Variants in WIPF1 observed in about 807,000 individuals in gnomAD.
The protein encoded by WIPF1 is WAS/WASL-interacting protein family member 1.
WIPF1 carries 13 observed loss-of-function variants against 35.4 expected under a neutral mutation model. The observed-to-expected ratio is 0.37, with a 90% CI of 0.24 to 0.58. WIPF1 has a LOEUF of 0.58. Ranked by LOEUF, WIPF1 falls within the 20% of genes least tolerant of loss-of-function variation. The pLI, the probability that WIPF1 is intolerant of heterozygous loss-of-function variation, is 0.74. For synonymous variants in WIPF1, 267 were observed against 266.3 expected (o/e 1.00, Z -0.02); for missense variants, 591 against 667.0 (o/e 0.89, Z 1.25).
At chr2:174,679,335 G>A (rs1688203809) in intron 1 of WIPF1, among the ~76,000 whole-genome samples, 1 of 152,102 alleles carries the variant, frequency 6.6e-6, no homozygotes, top group Non-Finnish European at 1.5e-5. Flanking sequence ...CGGGCGTGGT[G>A]CACACTCCTG....
intron 1 of WIPF1, among the ~76,000 whole-genome samples, chr2:174,595,229 T>A (rs1574820573): frequency 7.8e-6 from 1 of 127,514 alleles, no homozygotes; most frequent in Non-Finnish European, 1.6e-5. Flanking sequence ...AGTTTGAGGG[T>A]GCAGTGAGCT....
At chr2:174,608,833 C>G (rs564025637) in intron 1 of WIPF1, among the ~76,000 whole-genome samples, 1 of 152,314 alleles carries the variant, frequency 6.6e-6, no homozygotes, top group South Asian at 2.1e-4. Context: ...GTTCCTTATT[C>G]AGACTTCTCT....
At chr2:174,640,555 T>C (rs1462901896) in intron 1 of WIPF1, among the ~76,000 whole-genome samples, 1 of 151,830 alleles carries the variant, frequency 6.6e-6, no homozygotes, top group Admixed American at 6.6e-5. Context: ...GACACAAATA[T>C]ATGAAAAGAT....
chr2:174,628,924 C>T (rs763909174), intron 1 of WIPF1, among the ~76,000 whole-genome samples: 19 of 152,210 alleles, frequency 1.2e-4, no homozygotes, highest in Non-Finnish European at 2.4e-4. Context: ...ATGATGACAA[C>T]AGCATCTTTC....
In WIPF1 at chr2:174,675,967, G is replaced by C. The variant is rs571257221; in HGVS notation, c.-39+6807C>G. 2.2e-3 allele frequency among the ~76,000 whole-genome samples: 319 copies of C among 145,134 alleles called. 1 individual carries two copies. The highest frequency in any genetic ancestry group is 7.7e-3 in the African/African-American group (301 of 39,206). The stretch of plus-strand genomic sequence containing the variant: ...ATTTTATTTATTTATTTATTTTTGA[G>C]ACAGAGTCTCACTCTATCACCCAGG... On this transcript the variant is annotated intron_variant, in intron 1 of 8. Transcript: ENST00000272746.
chr2:174,564,629 AG>A (rs1684588316), intron 7 of WIPF1, among the ~76,000 whole-genome samples: 1 of 152,168 alleles, frequency 6.6e-6, no homozygotes, highest in Admixed American at 6.5e-5. Context: ...AAAGATCTAG[AG>A]GGTACAGGGA....
At chr2:174,662,623 T>C (rs1490866465) in intron 1 of WIPF1, among the ~76,000 whole-genome samples, 2 of 152,230 alleles carry the variant, frequency 1.3e-5, no homozygotes, top group African/African-American at 2.4e-5. Flanking sequence ...TCTATCTTCA[T>C]GTCATGTTTG....
At chr2:174,569,560 T>C (rs1684767457) in intron 5 of WIPF1, among the ~76,000 whole-genome samples, 1 of 152,168 alleles carries the variant, frequency 6.6e-6, no homozygotes, top group Non-Finnish European at 1.5e-5. Context: ...TTCCTAACTC[T>C]CCAACCTTGT....
chr2:174,606,244 GT>G (rs1426468638), intron 1 of WIPF1, among the ~76,000 whole-genome samples: 1 of 152,140 alleles, frequency 6.6e-6, no homozygotes, highest in African/African-American at 2.4e-5. Context: ...GTTAGAAATA[GT>G]AAAAGTAAAT....
chr2:174,651,683 A>G (rs900988359), intron 1 of WIPF1, among the ~76,000 whole-genome samples: 7 of 152,238 alleles, frequency 4.6e-5, no homozygotes, highest in Non-Finnish European at 1.0e-4. Flanking sequence ...TACCCAAGCT[A>G]TGAAGCCAGA....
At chr2:174,638,790 G>C (rs908361233) in intron 1 of WIPF1, among the ~76,000 whole-genome samples, 1 of 152,050 alleles carries the variant, frequency 6.6e-6, no homozygotes. Flanking sequence ...TTATTTGTTG[G>C]ACATTTACGC....
chr2:174,671,711 T>C (rs1211877616), intron 1 of WIPF1, among the ~76,000 whole-genome samples: 2 of 152,078 alleles, frequency 1.3e-5, no homozygotes, highest in African/African-American at 2.4e-5. Flanking sequence ...AGGGATAAAA[T>C]AAGCCCCGGT....
intron 1 of WIPF1, among the ~76,000 whole-genome samples, chr2:174,632,709 C>CAAA (rs71024821): frequency 2.9e-5 from 2 of 68,892 alleles, no homozygotes; most frequent in South Asian, 6.7e-4. Context: ...AACTCCATCT[C>CAAA]AAAAAAAAAA....
intron 1 of WIPF1, among the ~76,000 whole-genome samples, chr2:174,627,076 A>G (rs74337891): frequency 0.022 from 3,386 of 152,256 alleles, 121 homozygotes; most frequent in African/African-American, 0.075. Flanking sequence ...ATGTGGCTAC[A>G]TGGTGAATTA....
chr2:174,667,506 T>G (rs551557448), intron 1 of WIPF1, among the ~76,000 whole-genome samples: 1 of 152,304 alleles, frequency 6.6e-6, no homozygotes, highest in South Asian at 2.1e-4. Flanking sequence ...CTCTATCTGA[T>G]AAAGAGCTGA....
intron 1 of WIPF1, among the ~76,000 whole-genome samples, chr2:174,628,438 T>C (rs959970096): frequency 1.1e-4 from 16 of 152,214 alleles, no homozygotes; most frequent in African/African-American, 3.9e-4. Context: ...TGGGCAACCA[T>C]TGGAAATTTT....
intron 1 of WIPF1, among the ~76,000 whole-genome samples, chr2:174,661,366 C>T (rs1386722981): frequency 6.6e-6 from 1 of 152,122 alleles, no homozygotes; most frequent in Non-Finnish European, 1.5e-5. Context: ...CTTGCCTACA[C>T]CTCTGGCATG....
At chr2:174,660,247 T>C (rs1438670248) in intron 1 of WIPF1, among the ~76,000 whole-genome samples, 2 of 152,218 alleles carry the variant, frequency 1.3e-5, no homozygotes, top group African/African-American at 2.4e-5. Context: ...AAGTGTATTC[T>C]AAACAGACTC....
chr2:174,564,868 G>C (rs1684604406), intron 7 of WIPF1, among the ~76,000 whole-genome samples: 2 of 145,548 alleles, frequency 1.4e-5, no homozygotes, highest in South Asian at 4.5e-4. Flanking sequence ...AAAGATATCT[G>C]TCCCATGTGA....
Sources: gnomAD v4.1 joint callset for allele counts (sites outside exome capture counted in the v4.1 genomes callset) on GRCh38, gnomAD v4.1.1 for gene constraint, MANE v1.5 for transcripts, NCBI Gene and HGNC (gene_info 2026-07-23, HGNC 2026-07-21) for gene names.